MIB1: variants seen among roughly 807,000 people sequenced by gnomAD.
MIB1 encodes the protein E3 ubiquitin-protein ligase MIB1.
In MIB1, 278 loss-of-function variants were observed where a neutral mutation model predicts 124.5. The ratio of observed to expected loss-of-function variants is 2.23; its 90% CI spans 2.02 to 2.47. MIB1 has a LOEUF of 2.47. MIB1 is among the 30% of genes most tolerant of loss of function. The pLI, the probability that MIB1 is intolerant of heterozygous loss-of-function variation, is 0.00. For missense variants in MIB1, 957 were observed against 1,254.4 expected (o/e 0.76, Z 3.58); for synonymous variants, 446 against 429.4 (o/e 1.04, Z -0.48).
intron 11 of MIB1, chr18:21,817,764 A>G (rs1285059015): frequency 1.0e-5 from 4 of 396,614 alleles, no homozygotes; most frequent in Non-Finnish European, 2.0e-5. Flanking sequence ...GCACTTTCAT[A>G]TTCCTGTAGC....
intron 7 of MIB1, 97 bp from the exon 8 acceptor site, chr18:21,797,987 A>G (rs2041603620): frequency 8.4e-7 from 1 of 1,196,708 alleles, no homozygotes; most frequent in African/African-American, 1.5e-5. Flanking sequence ...TTCATTAGTA[A>G]TAAGTAAAAT....
intron 1 of MIB1, among the ~76,000 whole-genome samples, chr18:21,733,264 G>C (rs148172846): frequency 1.6e-4 from 24 of 152,300 alleles, no homozygotes; most frequent in African/African-American, 4.6e-4. Context: ...TAATTTTTCA[G>C]TGGAATTATG....
chr18:21,773,666 G>C lies in MIB1; in HGVS notation c.574G>C (p.Ala192Pro), dbSNP rs771020731. The change falls in exon 4 of 21, where the codon GCA becomes CCA. Residue 192 changes from alanine (A) to proline (P), a missense_variant. Physicochemically the swap from Ala to Pro is conservative, Grantham distance 27. Transcript: ENST00000261537. ...CTGGAGTGCATCAAGCCCACATAGC[G>C]CAGCATATGTCCTCTGGGATAATGG... ...QDWSASSPHS[A>P]AYVLWDNGAK... 1 of 1,609,176 alleles carries C rather than the reference G, an allele frequency of 6.2e-7. No individual in the cohort carries two copies. The highest frequency in any genetic ancestry group is 8.5e-7 in the Non-Finnish European group (1 of 1,178,036).
At chr18:21,761,776 C>T (rs1191107479) in intron 1 of MIB1, among the ~76,000 whole-genome samples, 3 of 152,148 alleles carry the variant, frequency 2.0e-5, no homozygotes, top group Admixed American at 1.3e-4. Flanking sequence ...CCTGCCTGCA[C>T]CGGGAGCTCT....
At chr18:21,843,970 A>G (rs913784500) in intron 14 of MIB1, 122 bp from the exon 15 acceptor site, 1 of 898,654 alleles carries the variant, frequency 1.1e-6, no homozygotes, top group Non-Finnish European at 1.7e-6. Flanking sequence ...AAGCATAAAA[A>G]TGATTAGCTT....
At chr18:21,830,959 T>C (rs988792608) in intron 12 of MIB1, among the ~76,000 whole-genome samples, 1 of 152,090 alleles carries the variant, frequency 6.6e-6, no homozygotes, top group Non-Finnish European at 1.5e-5. Context: ...GAATGTCATA[T>C]AACAGTCTTG....
intron 2 of MIB1, among the ~76,000 whole-genome samples, chr18:21,767,769 G>A (rs1227069597): frequency 5.9e-5 from 9 of 152,024 alleles, no homozygotes; most frequent in Admixed American, 5.9e-4. Context: ...GGATGGTCTC[G>A]ATCTCCTGAC....
Position 21,868,617 on chromosome 18 carries a change from A to AAG in MIB1, c.*3951_*3952insAG, listed in dbSNP as rs1303868292. On this transcript the variant is annotated 3_prime_UTR_variant, in exon 21 of 21. Transcript: ENST00000261537. ...CTTGTTGGAAGTGTCAACTGTCTTT[A>AAG]TGTCTGCTTGTAAAAGTTTCAAAAT... 1 of 152,422 alleles carries AAG rather than the reference A, an allele frequency of 6.6e-6. No individual in the cohort carries two copies. Among genetic ancestry groups the AAG allele is most frequent in the African/African-American group, 2.4e-5 (1 of 41,436 alleles). 9.4% of individuals were successfully genotyped at this position (152,422 alleles called of 1,614,324 possible).
chr18:21,728,783 A>G (rs777266586), intron 1 of MIB1, among the ~76,000 whole-genome samples: 21 of 152,180 alleles, frequency 1.4e-4, no homozygotes, highest in Admixed American at 3.3e-4. Context: ...GATCTCAAAC[A>G]TTTATCATTT....
chr18:21,816,359 A>G lies in MIB1; in HGVS notation c.1677+546A>G, dbSNP rs550686200. 9.9e-5 allele frequency among the ~76,000 whole-genome samples: 15 copies of G among 152,264 alleles called. No homozygotes were observed. In the South Asian group the frequency reaches 2.9e-3, roughly 29 times the overall value. ...TTATAACCAGATAAATTAAACCACA[A>G]ATATATAGAAAATGTAGTCTGTGTC... On this transcript the variant is annotated intron_variant, in intron 11 of 20. Coordinates refer to ENST00000261537, the MANE Select transcript of MIB1 (RefSeq NM_020774.4).
At chr18:21,729,631 A>T (rs1473020177) in intron 1 of MIB1, among the ~76,000 whole-genome samples, 5 of 152,140 alleles carry the variant, frequency 3.3e-5, no homozygotes. Context: ...CTGGGATTAC[A>T]GGCACCCACA....
intron 1 of MIB1, among the ~76,000 whole-genome samples, chr18:21,708,470 A>G (rs1315363128): frequency 5.9e-5 from 9 of 152,182 alleles, no homozygotes; most frequent in Admixed American, 5.9e-4. Flanking sequence ...CTTGACCAAC[A>G]TCGTGAAACC....
chr18:21,859,592 A>C (rs987253710), intron 20 of MIB1, among the ~76,000 whole-genome samples: 1 of 151,748 alleles, frequency 6.6e-6, no homozygotes, highest in Non-Finnish European at 1.5e-5. Flanking sequence ...TACATGTGAT[A>C]CTTTAATAGA....
At position 21,771,217 on chromosome 18, in the gene MIB1, T is replaced by C. The variant is rs551687083; in HGVS notation, c.532-2407T>C. ...AGTTATTTTCTTATGCCCTCCACTT[T>C]GTTTCCTCCTCAATAATAAATCAAG... On this transcript the variant is annotated intron_variant, in intron 3 of 20. Transcript: ENST00000261537. Among the ~76,000 whole-genome samples, 24 of 152,368 alleles carry C rather than the reference T, an allele frequency of 1.6e-4. 1 individual carries two copies. The highest frequency in any genetic ancestry group is 9.8e-4 in the Admixed American group (15 of 15,308).
At position 21,754,901 on chromosome 18, in the gene MIB1, G is replaced by A. The variant is rs141731760; in HGVS notation, c.230-10871G>A. 6.1e-3 allele frequency among the ~76,000 whole-genome samples: 929 copies of A among 152,302 alleles called. 8 individuals carry two copies. The highest frequency in any genetic ancestry group is 0.015 in the Admixed American group (230 of 15,296). On this transcript the variant is annotated intron_variant, in intron 1 of 20. Coordinates refer to ENST00000261537, the MANE Select transcript of MIB1 (RefSeq NM_020774.4). ...CTGTTATCTGCACTTTAAGGCATCC[G>A]TTGGGGAGTATTGGAAAGTAGTCCC... is the stretch of plus-strand genomic sequence containing the variant.
chr18:21,761,323 T>C (rs1281395138), intron 1 of MIB1, among the ~76,000 whole-genome samples: 1 of 152,096 alleles, frequency 6.6e-6, no homozygotes, highest in African/African-American at 2.4e-5. Flanking sequence ...AACTGAATAT[T>C]AAATTTTCAT....
At chr18:21,805,402 T>C (rs2041692653) in intron 10 of MIB1, among the ~76,000 whole-genome samples, 1 of 152,234 alleles carries the variant, frequency 6.6e-6, no homozygotes, top group African/African-American at 2.4e-5. Context: ...TTATATAATT[T>C]GATGTTACTT....
chr18:21,757,908 T>C (rs1451833635), intron 1 of MIB1, among the ~76,000 whole-genome samples: 2 of 152,188 alleles, frequency 1.3e-5, no homozygotes, highest in African/African-American at 4.8e-5. Context: ...ACGTAATTAT[T>C]CTTTAAATAA....
intron 4 of MIB1, among the ~76,000 whole-genome samples, chr18:21,774,313 G>A (rs1233475991): frequency 6.6e-6 from 1 of 152,184 alleles, no homozygotes; most frequent in Non-Finnish European, 1.5e-5. Context: ...TCTTGGCTGG[G>A]CACGGTGGCT....
Sources: allele counts gnomAD v4.1 joint callset (sites outside exome capture counted in the v4.1 genomes callset), GRCh38; gene constraint gnomAD v4.1.1; transcripts MANE v1.5; gene names NCBI Gene and HGNC (gene_info 2026-07-23, HGNC 2026-07-21).